Variants in GRIP1 observed in about 807,000 individuals in gnomAD.
GRIP1 encodes glutamate receptor interacting protein 1, also known as glutamate receptor-interacting protein 1.
GRIP1 carries 45 observed loss-of-function variants against 129.9 expected under a neutral mutation model. That is an observed-to-expected ratio of 0.35 (90% confidence interval 0.27 to 0.44). The LOEUF is 0.44. Ranked by LOEUF, GRIP1 falls within the 20% of genes least tolerant of loss-of-function variation. The probability of loss-of-function intolerance (pLI) is 1.00; values close to 1 mark genes in which losing one functional copy is unlikely to be tolerated. For synonymous variants in GRIP1, 530 were observed against 520.8 expected, an observed-to-expected ratio of 1.02 and a Z score of -0.24; for missense variants, 1,196 against 1,396.8, an observed-to-expected ratio of 0.86 and a Z score of 2.29.
At chr12:66,534,967 T>A (rs779505006) in intron 4 of GRIP1, among the ~76,000 whole-genome samples, 5 of 152,182 alleles carry the variant, frequency 3.3e-5, no homozygotes, top group Non-Finnish European at 7.3e-5. Flanking sequence ...GTGCTGGGAT[T>A]ACAGGCATCA....
At chr12:66,924,975 A>G (rs1451909828) in intron 1 of GRIP1, among the ~76,000 whole-genome samples, 2 of 152,240 alleles carry the variant, frequency 1.3e-5, no homozygotes, top group Non-Finnish European at 2.9e-5. Flanking sequence ...GTCTCAAAAA[A>G]GAAAAAAAAT....
intron 1 of GRIP1, among the ~76,000 whole-genome samples, chr12:66,802,259 A>G (rs2136918709): frequency 6.6e-6 from 1 of 152,260 alleles, no homozygotes; most frequent in South Asian, 2.1e-4. Flanking sequence ...ATTTGCAACT[A>G]ACTCCACAAG....
chr12:66,583,478 A>G (rs1477375579), intron 2 of GRIP1, among the ~76,000 whole-genome samples: 6 of 126,508 alleles, frequency 4.7e-5, no homozygotes, highest in Admixed American at 2.5e-4. Context: ...GCAACCTACA[A>G]AATGGGAGAA....
At chr12:66,511,341 T>A (rs1333725068) in intron 7 of GRIP1, among the ~76,000 whole-genome samples, 1 of 152,134 alleles carries the variant, frequency 6.6e-6, no homozygotes, top group Non-Finnish European at 1.5e-5. Flanking sequence ...ATCAGCAGCA[T>A]GAAAATGGAC....
At chr12:66,808,200 A>G (rs1238172978), upstream of GRIP1, among the ~76,000 whole-genome samples, 1 of 152,128 alleles carries the variant, frequency 6.6e-6, no homozygotes, top group Non-Finnish European at 1.5e-5. Context: ...GGGACAGTTG[A>G]GAAGTTGCAA....
At chr12:66,645,685 A>C (rs1432659422) in intron 1 of GRIP1, among the ~76,000 whole-genome samples, 6 of 152,336 alleles carry the variant, frequency 3.9e-5, no homozygotes, top group Non-Finnish European at 2.9e-5. Context: ...TCTTATAAAA[A>C]GATTCATAAA....
At chr12:66,806,216 A>G (rs1051636236), upstream of GRIP1, among the ~76,000 whole-genome samples, 2 of 152,152 alleles carry the variant, frequency 1.3e-5, no homozygotes, top group African/African-American at 4.8e-5. Flanking sequence ...ATGGTGTTTT[A>G]GTGGTTTGTC....
In GRIP1 at chr12:66,399,576, G is replaced by A. The variant is rs77393669; in HGVS notation, c.1985-5224C>T. 7.6e-4 allele frequency among the ~76,000 whole-genome samples: 116 copies of A among 152,074 alleles called. 6 individuals carry two copies. The highest frequency in any genetic ancestry group is 2.6e-3 in the African/African-American group (108 of 41,350). The stretch of plus-strand genomic sequence containing the variant: ...CGATTAGTGAAAGACAGGAAAGGGG[G>A]CAAGCCTACTTGTTTGTTCTGCTCA... On this transcript the variant is annotated intron_variant, in intron 16 of 24. Coordinates refer to ENST00000359742, the MANE Select transcript of GRIP1 (RefSeq NM_001366722.1).
At chr12:66,381,205 G>C (rs533325986) in intron 19 of GRIP1, among the ~76,000 whole-genome samples, 1 of 152,332 alleles carries the variant, frequency 6.6e-6, no homozygotes, top group Admixed American at 6.5e-5. Flanking sequence ...CCAAGGATTA[G>C]AAGACCTTGG....
At chr12:66,980,383 C>T (rs191716369) in intron 1 of GRIP1, among the ~76,000 whole-genome samples, 48 of 152,176 alleles carry the variant, frequency 3.2e-4, no homozygotes, top group African/African-American at 1.1e-3. Flanking sequence ...GAGGCTGAGG[C>T]GGGTGAGTTA....
chr12:66,489,283 A>G lies in GRIP1; in HGVS notation c.725-23861T>C, dbSNP rs538079837. Reference sequence around the variant, plus strand: ...ACCAAAAGGCTTATCCACCATGATCAAGTTGGCTTCATCCCTGAGATGCAA... The same window carrying G: ...ACCAAAAGGCTTATCCACCATGATCGAGTTGGCTTCATCCCTGAGATGCAA... On this transcript the variant is annotated intron_variant, in intron 7 of 24. Coordinates refer to ENST00000359742, the MANE Select transcript of GRIP1 (RefSeq NM_001366722.1). Among the ~76,000 whole-genome samples the G allele has an allele frequency of 6.6e-5, 10 of 152,326 alleles. No individual in the cohort carries two copies. The South Asian group carries it at 1.9e-3, about 28-fold the overall frequency.
At chr12:66,720,938 T>A (rs1036749814) in intron 1 of GRIP1, among the ~76,000 whole-genome samples, 2 of 152,198 alleles carry the variant, frequency 1.3e-5, no homozygotes, top group Admixed American at 1.3e-4. Context: ...GAATGGTGAT[T>A]CCTTTCCAAA....
chr12:66,831,889 T>G, intron 1 of GRIP1, among the ~76,000 whole-genome samples: 1 of 152,208 alleles, frequency 6.6e-6, no homozygotes, highest in Non-Finnish European at 1.5e-5. Flanking sequence ...GTAAAGTGCT[T>G]GGCAAAGTCT....
intron 7 of GRIP1, among the ~76,000 whole-genome samples, chr12:66,487,458 C>T (rs1352827914): frequency 1.3e-5 from 2 of 152,136 alleles, no homozygotes; most frequent in African/African-American, 4.8e-5. Flanking sequence ...CTCAAGCCTG[C>T]TTTGCAAGAG....
At chr12:66,892,299 C>T (rs1162717640) in intron 1 of GRIP1, among the ~76,000 whole-genome samples, 2 of 152,192 alleles carry the variant, frequency 1.3e-5, no homozygotes, top group Non-Finnish European at 2.9e-5. Flanking sequence ...ATGACTACAG[C>T]AGCCTCCTAA....
intron 2 of GRIP1, among the ~76,000 whole-genome samples, chr12:66,574,201 C>T (rs1449928826): frequency 6.6e-6 from 1 of 152,196 alleles, no homozygotes; most frequent in African/African-American, 2.4e-5. Context: ...CCCCCACCCA[C>T]CCAAGATATG....
At chr12:67,058,713 T>C (rs2043479500) in intron 1 of GRIP1, among the ~76,000 whole-genome samples, 4 of 152,230 alleles carry the variant, frequency 2.6e-5, no homozygotes, top group Admixed American at 2.6e-4. Flanking sequence ...CTCTAAGCTG[T>C]TTAACCATTT....
At position 67,056,386 on chromosome 12, in the gene GRIP1, C is replaced by T. The variant is rs145141056; in HGVS notation, c.58+12664G>A. Among the ~76,000 whole-genome samples the T allele has an allele frequency of 4.9e-3, 748 of 152,260 alleles. 1 individual carries two copies. The highest frequency in any genetic ancestry group is 0.017 in the Middle Eastern group (5 of 294). On this transcript the variant is annotated intron_variant, in intron 1 of 1. Coordinates refer to the GRIP1 transcript ENST00000643019. ...TGCCTGGGCTAGGAAAACTGGAAGACCAGGACTGTCAACCAGAGCACCTAC... is the reference window on the plus strand; with the variant it reads ...TGCCTGGGCTAGGAAAACTGGAAGATCAGGACTGTCAACCAGAGCACCTAC...
intron 1 of GRIP1, among the ~76,000 whole-genome samples, chr12:66,669,220 C>T (rs1358701346): frequency 5.3e-5 from 8 of 151,908 alleles, no homozygotes; most frequent in South Asian, 2.1e-4. Context: ...TGAGACCAGC[C>T]GGGCCAAAAT....
Sources: gnomAD v4.1 joint callset for allele counts (sites outside exome capture counted in the v4.1 genomes callset) on GRCh38, gnomAD v4.1.1 for gene constraint, MANE v1.5 for transcripts, NCBI Gene and HGNC (gene_info 2026-07-23, HGNC 2026-07-21) for gene names.